The following STK17B variants were observed in gnomAD, a reference collection of about 807,000 sequenced individuals.
The protein encoded by STK17B is serine/threonine kinase 17b, also known as serine/threonine-protein kinase 17B.
STK17B carries 21 observed loss-of-function variants against 42.0 expected under a neutral mutation model. That is an observed-to-expected ratio of 0.50 (90% CI 0.35 to 0.72). The LOEUF is 0.72. STK17B is among the 30% of genes least tolerant of loss of function. The pLI is 0.00. For missense variants in STK17B, 349 were observed against 446.0 expected, an observed-to-expected ratio of 0.78 and a Z score of 1.96; for synonymous variants, 143 against 148.4, an observed-to-expected ratio of 0.96 and a Z score of 0.26.
rs915210428 is a variant in STK17B, at chr2:196,137,100, A to C, written c.*347T>G. 1 of 224,524 alleles carries C rather than the reference A, an allele frequency of 4.5e-6. No homozygotes were observed. Among genetic ancestry groups the C allele is most frequent in the African/African-American group, 2.3e-5 (1 of 42,686 alleles). 13.9% of individuals were successfully genotyped at this position (224,524 alleles called of 1,614,324 possible). On this transcript the variant is annotated 3_prime_UTR_variant, in exon 8 of 8. Transcript: ENST00000263955. Reference sequence around the variant, plus strand: ...AAATTCCAATGTCTTCACTGTGTTCAGTTTACACCAACTATAATAAAACTC... The same window carrying C: ...AAATTCCAATGTCTTCACTGTGTTCCGTTTACACCAACTATAATAAAACTC...
chr2:196,164,782 C>A (rs1396782172), intron 1 of STK17B, among the ~76,000 whole-genome samples: 1 of 152,144 alleles, frequency 6.6e-6, no homozygotes, highest in African/African-American at 2.4e-5. Context: ...TGCAGTTCAG[C>A]CTGGGCGATA....
chr2:196,139,617 T>C lies in STK17B; in HGVS notation c.836+3A>G, dbSNP rs758484444. ...AATAGTATTTAAACAAATTATTACT[T>C]ACTCTGGATTTTTTACTAAAAGGCT... is the stretch of plus-strand genomic sequence containing the variant. On this transcript the variant is annotated splice_donor_region_variant and intron_variant, in intron 7 of 7. Transcript: ENST00000263955. 1 of 1,362,038 alleles carries C rather than the reference T, an allele frequency of 7.3e-7. No homozygotes were observed. Among genetic ancestry groups the C allele is most frequent in the Non-Finnish European group, 9.5e-7 (1 of 1,048,886 alleles). 84.4% of individuals were successfully genotyped at this position (1,362,038 alleles called of 1,614,324 possible). A position where few individuals can be genotyped will look rare whatever the true frequency, so the allele number is the denominator to read the frequency against.
intron 3 of STK17B, among the ~76,000 whole-genome samples, chr2:196,146,450 G>A (rs1044842258): frequency 3.3e-5 from 5 of 152,136 alleles, no homozygotes; most frequent in Non-Finnish European, 7.3e-5. Flanking sequence ...GTTGCAGTGA[G>A]CCGAGATGGC....
chr2:196,169,068 ATTTTTTTTTTTT>A (rs571438990), intron 1 of STK17B, among the ~76,000 whole-genome samples: 2 of 112,686 alleles, frequency 1.8e-5, no homozygotes, highest in African/African-American at 3.4e-5. Context: ...TAGGAATACT[ATTTTTTTTTTTT>A]TTTTTTTTTT....
In STK17B at chr2:196,160,717, C is replaced by A. The variant is rs946853030; in HGVS notation, c.122+2545G>T. Among the ~76,000 whole-genome samples, 17 of 151,980 alleles carry A rather than the reference C, an allele frequency of 1.1e-4. 1 individual carries two copies. The highest frequency in any genetic ancestry group is 1.0e-3 in the Admixed American group (16 of 15,262). On this transcript the variant is annotated intron_variant, in intron 2 of 7. Transcript: ENST00000263955. ...AATATTTACCATGTGACTCATTAGC[C>A]CATATCAATTCAAAAGAAAGATGTT...
intron 4 of STK17B, among the ~76,000 whole-genome samples, chr2:196,145,110 T>C (rs550732939): frequency 6.6e-6 from 1 of 150,544 alleles, no homozygotes; most frequent in South Asian, 2.1e-4. Flanking sequence ...GCAGGGATAC[T>C]AGATGGTAAA....
At chr2:196,158,623 C>G (rs4850671) in intron 2 of STK17B, among the ~76,000 whole-genome samples, 88,626 of 151,694 alleles carry the variant, frequency 0.58, 26,690 homozygotes, top group East Asian at 0.92. Flanking sequence ...CTCATGAAAG[C>G]TCATAAATGG....
chr2:196,137,377 A>G lies in STK17B; in HGVS notation c.*70T>C, dbSNP rs1699421157. ...ATATAAACATGTCATATATGAAGCT[A>G]CAAATCATAATCTCACTGGAGTGGA... On this transcript the variant is annotated 3_prime_UTR_variant, in exon 8 of 8. Transcript: ENST00000263955. 1 of 1,482,096 alleles carries G rather than the reference A, an allele frequency of 6.7e-7. No homozygotes were observed. Among genetic ancestry groups the G allele is most frequent in the South Asian group, 1.3e-5 (1 of 76,208 alleles). The allele number at this position is 1,482,096 out of a possible 1,614,324, so 91.8% of individuals were successfully genotyped here. A position where few individuals can be genotyped will look rare whatever the true frequency, so the allele number is the denominator to read the frequency against.
chr2:196,145,879 A>T, intron 4 of STK17B, 32 bp downstream of exon 4: 1 of 1,529,926 alleles, frequency 6.5e-7, no homozygotes, highest in East Asian at 2.3e-5. Flanking sequence ...AAGAACACAG[A>T]TGTTGCATTA....
intron 3 of STK17B, among the ~76,000 whole-genome samples, chr2:196,155,656 C>T (rs1446272732): frequency 6.6e-6 from 1 of 152,152 alleles, no homozygotes; most frequent in Non-Finnish European, 1.5e-5. Flanking sequence ...GTATACTAAA[C>T]ATAAATCTAG....
chr2:196,175,561 G>A (rs112902615), upstream of STK17B, among the ~76,000 whole-genome samples: 1 of 152,220 alleles, frequency 6.6e-6, no homozygotes, highest in African/African-American at 2.4e-5. Flanking sequence ...AGGAGGCAGA[G>A]GTTGCAGTTA....
At chr2:196,169,344 C>T (rs1699909650) in intron 1 of STK17B, among the ~76,000 whole-genome samples, 2 of 152,128 alleles carry the variant, frequency 1.3e-5, no homozygotes, top group South Asian at 2.1e-4. Flanking sequence ...GGATTACAGG[C>T]TTGAGCCACT....
rs1010043746 is a variant in STK17B at position 196,134,738 on chromosome 2, A to G, written c.*2709T>C. ...ATCTATTTAGGGATCCTACCCAAAA[A>G]GCAAATTTAACTTTAAATTATCACA... On this transcript the variant is annotated 3_prime_UTR_variant, in exon 8 of 8. Transcript: ENST00000263955. 6.6e-6 allele frequency: 1 copy of G among 152,238 alleles called. No individual in the cohort carries two copies. Among genetic ancestry groups the G allele is most frequent in the African/African-American group, 2.4e-5 (1 of 41,466 alleles). The allele number at this position is 152,238 out of a possible 1,614,324, so 9.4% of individuals were successfully genotyped here.
At chr2:196,165,773 C>T (rs980859909) in intron 1 of STK17B, 2 of 152,180 alleles carry the variant, frequency 1.3e-5, no homozygotes, top group Non-Finnish European at 2.9e-5. Context: ...GAACTCATGT[C>T]CACTGACACA....
chr2:196,172,402 T>C (rs1166809027), upstream of STK17B, among the ~76,000 whole-genome samples: 4 of 152,228 alleles, frequency 2.6e-5, no homozygotes, highest in Non-Finnish European at 5.9e-5. Context: ...ACACACATAC[T>C]CATACATATA....
At chr2:196,154,672 TA>T (rs1347176111) in intron 3 of STK17B, 5 of 152,228 alleles carry the variant, frequency 3.3e-5, no homozygotes, top group African/African-American at 1.2e-4. Context: ...GGGTGATAGT[TA>T]TTAAAGATTC....
chr2:196,153,040 C>A (rs1699687676), intron 3 of STK17B: 1 of 151,964 alleles, frequency 6.6e-6, no homozygotes, highest in Non-Finnish European at 1.5e-5. Context: ...CGGCCTCGGC[C>A]TCCCAAATTG....
chr2:196,152,080 T>C (rs565101192), intron 3 of STK17B, among the ~76,000 whole-genome samples: 11 of 149,512 alleles, frequency 7.4e-5, no homozygotes, highest in Admixed American at 2.0e-4. Flanking sequence ...TTCATATAAT[T>C]AGCAAATGTA....
At chr2:196,160,133 C>T (rs1699792426) in intron 2 of STK17B, among the ~76,000 whole-genome samples, 1 of 152,042 alleles carries the variant, frequency 6.6e-6, no homozygotes, top group South Asian at 2.1e-4. Context: ...AAAAATAATC[C>T]TTAAGTTATA....
Sources: allele counts gnomAD v4.1 joint callset (sites outside exome capture counted in the v4.1 genomes callset), GRCh38; gene constraint gnomAD v4.1.1; transcripts MANE v1.5; gene names NCBI Gene and HGNC (gene_info 2026-07-23, HGNC 2026-07-21).